CMSS1: variants seen among roughly 807,000 people sequenced by gnomAD.
CMSS1 encodes protein CMSS1.
A neutral mutation model predicts 43.5 loss-of-function variants in CMSS1; 33 were observed. The ratio of observed to expected loss-of-function variants is 0.76; its 90% confidence interval spans 0.57 to 1.01. The LOEUF (loss-of-function observed/expected upper bound fraction) is 1.01, where lower values mean the gene tolerates loss of function less well. CMSS1 is among the 50% of genes least tolerant of loss of function. The probability of loss-of-function intolerance (pLI) is 0.00; values close to 1 mark genes in which losing one functional copy is unlikely to be tolerated. For missense variants in CMSS1, 313 were observed against 326.4 expected (o/e 0.96, Z 0.32); for synonymous variants, 115 against 117.2 (o/e 0.98, Z 0.12).
chr3:99,926,513 G>T (rs1188462670), intron 1 of CMSS1, among the ~76,000 whole-genome samples: 1 of 152,166 alleles, frequency 6.6e-6, no homozygotes, highest in African/African-American at 2.4e-5. Flanking sequence ...AACTCCTTTT[G>T]CAATTTGAGA....
intron 1 of CMSS1, chr3:100,114,609 T>TAATTTTA (rs1310599483): frequency 4.3e-5 from 8 of 187,078 alleles, no homozygotes; most frequent in African/African-American, 1.9e-4. Context: ...CCCTCTTAGG[T>TAATTTTA]AATTTTAAAT....
intron 1 of CMSS1, among the ~76,000 whole-genome samples, chr3:100,059,579 A>G (rs2065524641): frequency 1.3e-5 from 2 of 152,234 alleles, no homozygotes; most frequent in Admixed American, 1.3e-4. Flanking sequence ...GAGGTTGAAG[A>G]TTCAAACAGC....
chr3:100,177,332 T>C (rs1026839373), intron 9 of CMSS1, among the ~76,000 whole-genome samples: 1 of 152,246 alleles, frequency 6.6e-6, no homozygotes, highest in Admixed American at 6.5e-5. Context: ...CTGACTTGAC[T>C]GGTTTCTTAA....
chr3:99,904,198 C>T (rs1212208029), intron 1 of CMSS1, among the ~76,000 whole-genome samples: 1 of 152,156 alleles, frequency 6.6e-6, no homozygotes, highest in East Asian at 1.9e-4. Flanking sequence ...GCTTTCATTA[C>T]AATAAACAAA....
chr3:99,915,522 G>T (rs1349338479), intron 1 of CMSS1, among the ~76,000 whole-genome samples: 1 of 152,036 alleles, frequency 6.6e-6, no homozygotes, highest in Non-Finnish European at 1.5e-5. Context: ...GTTCAGTCTT[G>T]ATTTCGCATA....
intron 1 of CMSS1, chr3:99,848,567 C>T (rs772775239): frequency 6.2e-7 from 1 of 1,614,170 alleles, no homozygotes; most frequent in Non-Finnish European, 8.5e-7. Context: ...GACTGCCGGT[C>T]TGGGGAGACT....
chr3:99,968,790 T>G (rs764797811), intron 1 of CMSS1, among the ~76,000 whole-genome samples: 7 of 152,192 alleles, frequency 4.6e-5, no homozygotes, highest in Non-Finnish European at 7.3e-5. Context: ...TGGTGTCTCA[T>G]CAGAGAAGTT....
intron 1 of CMSS1, among the ~76,000 whole-genome samples, chr3:99,989,790 G>T (rs1709460083): frequency 6.6e-6 from 1 of 151,400 alleles, no homozygotes; most frequent in Admixed American, 6.6e-5. Flanking sequence ...GTTAGATATT[G>T]ATTTGATAGA....
intron 1 of CMSS1, among the ~76,000 whole-genome samples, chr3:99,935,342 T>G (rs1013792589): frequency 1.3e-5 from 2 of 152,028 alleles, no homozygotes; most frequent in African/African-American, 4.8e-5. Flanking sequence ...GCTGACCTAG[T>G]ACCTAGTGAG....
chr3:99,960,907 A>G (rs1335055110), intron 1 of CMSS1, among the ~76,000 whole-genome samples: 1 of 152,254 alleles, frequency 6.6e-6, no homozygotes, highest in Non-Finnish European at 1.5e-5. Flanking sequence ...TTGGCAGACC[A>G]ACAAAGTGAA....
chr3:99,820,279 C>T (rs542295894), intron 1 of CMSS1, among the ~76,000 whole-genome samples: 1 of 151,870 alleles, frequency 6.6e-6, no homozygotes, highest in African/African-American at 2.4e-5. Flanking sequence ...TCACTGCAAC[C>T]TCCACCTCCT....
At chr3:100,142,070 A>G (rs2066809974) in intron 1 of CMSS1, among the ~76,000 whole-genome samples, 1 of 152,236 alleles carries the variant, frequency 6.6e-6, no homozygotes, top group Non-Finnish European at 1.5e-5. Context: ...AAATTATCCA[A>G]TTTACAGTGA....
At chr3:100,105,856 G>C (rs1331478885) in intron 1 of CMSS1, among the ~76,000 whole-genome samples, 2 of 152,084 alleles carry the variant, frequency 1.3e-5, no homozygotes, top group Admixed American at 6.6e-5. Flanking sequence ...TTTTTGAAAG[G>C]AGTTGTAAGT....
chr3:99,989,676 A>G (rs1474978483), intron 1 of CMSS1, among the ~76,000 whole-genome samples: 1 of 142,654 alleles, frequency 7.0e-6, no homozygotes, highest in Non-Finnish European at 1.5e-5. Context: ...ATATATATAT[A>G]TATATATATT....
chr3:100,012,097 A>G (rs1207975751), intron 1 of CMSS1, among the ~76,000 whole-genome samples: 1 of 152,208 alleles, frequency 6.6e-6, no homozygotes, highest in African/African-American at 2.4e-5. Flanking sequence ...CATTGAACTC[A>G]AAAGTATTCA....
At chr3:99,869,571 C>T (rs1433075803) in intron 1 of CMSS1, among the ~76,000 whole-genome samples, 1 of 152,132 alleles carries the variant, frequency 6.6e-6, no homozygotes, top group African/African-American at 2.4e-5. Flanking sequence ...GGGACTTCCA[C>T]AATATCTCAC....
rs952661315 is a variant in CMSS1, at chr3:99,946,346, A to G, written c.64+128303A>G. Reference sequence around the variant, plus strand: ...AAAAAGCTACAACTATCAATGGAGAATTTGGAAATTTTTTGTTACGGAAAA... The same window carrying G: ...AAAAAGCTACAACTATCAATGGAGAGTTTGGAAATTTTTTGTTACGGAAAA... On this transcript the variant is annotated intron_variant, in intron 1 of 9. Transcript: ENST00000421999. 3.9e-5 allele frequency among the ~76,000 whole-genome samples: 6 copies of G among 152,380 alleles called. No homozygotes were observed. The South Asian group carries it at 8.3e-4, about 21-fold the overall frequency.
intron 1 of CMSS1, among the ~76,000 whole-genome samples, chr3:99,921,947 C>T (rs910580089): frequency 6.6e-6 from 1 of 152,170 alleles, no homozygotes; most frequent in African/African-American, 2.4e-5. Flanking sequence ...CCATCTGCCT[C>T]CCAACATTCC....
chr3:100,034,671 T>A (rs2065077649), intron 1 of CMSS1, among the ~76,000 whole-genome samples: 2 of 152,106 alleles, frequency 1.3e-5, no homozygotes, highest in African/African-American at 4.8e-5. Flanking sequence ...AGACAGTGAG[T>A]TTAGATTTAT....
Sources: gnomAD v4.1 joint callset for allele counts (sites outside exome capture counted in the v4.1 genomes callset) on GRCh38, gnomAD v4.1.1 for gene constraint, MANE v1.5 for transcripts, NCBI Gene and HGNC (gene_info 2026-07-23, HGNC 2026-07-21) for gene names.